Variants in MEGF11 observed in about 807,000 individuals in gnomAD.
MEGF11 encodes the protein multiple EGF like domains 11.
A neutral mutation model predicts 146.6 loss-of-function variants in MEGF11; 126 were observed. The observed-to-expected ratio is 0.86, with a 90% confidence interval of 0.74 to 1.00. MEGF11 has a LOEUF of 1.00. Among genes scored for constraint, MEGF11 ranks in the 50% least tolerant of loss-of-function variants. The pLI, the probability that MEGF11 is intolerant of heterozygous loss-of-function variation, is 0.00. For synonymous variants in MEGF11, 532 were observed against 583.4 expected (o/e 0.91, Z 1.27); for missense variants, 1,509 against 1,521.2 (o/e 0.99, Z 0.13).
At chr15:66,148,459 G>C (rs191806221) in intron 1 of MEGF11, among the ~76,000 whole-genome samples, 2 of 152,334 alleles carry the variant, frequency 1.3e-5, no homozygotes, top group Non-Finnish European at 2.9e-5. Context: ...CTGAGATGAG[G>C]AAAGAGGGAT....
At chr15:66,151,386 G>A (rs2089567832) in intron 1 of MEGF11, among the ~76,000 whole-genome samples, 1 of 152,196 alleles carries the variant, frequency 6.6e-6, no homozygotes, top group African/African-American at 2.4e-5. Flanking sequence ...GTGCACCCAA[G>A]GGAAGGTGGG....
rs764994330 is a variant in MEGF11 at position 66,094,452 on chromosome 15, G to A, written c.344C>T (p.Pro115Leu). The change falls in exon 5 of 26, where the codon CCG becomes CTG. Residue 115 changes from proline (P) to leucine (L), a missense_variant. By Grantham distance (98) the Pro-to-Leu change is moderately conservative. Transcript: ENST00000395614. ...GCCAGGCTCGCAGTGGCAGGTGTCC[G>A]GGGAAACGCAGCGGCCGTGCACACA... ...EECVHGRCVS[P>L]DTCHCEPGWG... The A allele has an allele frequency of 2.5e-5, 39 of 1,560,856 alleles. No individual in the cohort carries two copies. Among genetic ancestry groups the A allele is most frequent in the South Asian group, 2.5e-4 (21 of 84,646 alleles).
chr15:65,992,460 G>GT (rs1555459395), intron 5 of MEGF11, among the ~76,000 whole-genome samples: 9 of 143,248 alleles, frequency 6.3e-5, no homozygotes, highest in Non-Finnish European at 1.2e-4. Flanking sequence ...TGGGGGGGGG[G>GT]GTTAGTCACA....
chr15:66,156,487 C>A (rs1469827108), intron 1 of MEGF11, among the ~76,000 whole-genome samples: 13 of 152,090 alleles, frequency 8.5e-5, no homozygotes, highest in Non-Finnish European at 1.8e-4. Context: ...TTAAAGACAG[C>A]CACAGCTGGG....
chr15:66,045,505 A>G (rs1597025108), intron 5 of MEGF11, among the ~76,000 whole-genome samples: 1 of 152,308 alleles, frequency 6.6e-6, no homozygotes, highest in East Asian at 1.9e-4. Flanking sequence ...TCAGCATCTC[A>G]GCTTGATATC....
chr15:66,185,020 C>T (rs1008915129), intron 1 of MEGF11, among the ~76,000 whole-genome samples: 3 of 152,172 alleles, frequency 2.0e-5, no homozygotes, highest in African/African-American at 7.2e-5. Context: ...TTGTCTCTCA[C>T]ACTGCATAGT....
At chr15:65,976,013 G>A (rs919141617) in intron 7 of MEGF11, among the ~76,000 whole-genome samples, 2 of 150,200 alleles carry the variant, frequency 1.3e-5, no homozygotes, top group African/African-American at 4.9e-5. Context: ...CTGCTGCAAT[G>A]AGCTGAAGTG....
intron 1 of MEGF11, among the ~76,000 whole-genome samples, chr15:66,206,344 G>GAAGAAA (rs992888017): frequency 2.1e-4 from 32 of 152,166 alleles, no homozygotes; most frequent in African/African-American, 7.7e-4. Flanking sequence ...GGAAAAAGAA[G>GAAGAAA]AAGAAAAAGA....
At chr15:66,110,681 C>A (rs553954112) in intron 4 of MEGF11, among the ~76,000 whole-genome samples, 1 of 152,254 alleles carries the variant, frequency 6.6e-6, no homozygotes, top group East Asian at 1.9e-4. Flanking sequence ...GTTGGTGACC[C>A]AAGAGAGTGG....
chr15:66,118,103 A>G (rs1160771850), intron 4 of MEGF11, among the ~76,000 whole-genome samples: 3 of 152,210 alleles, frequency 2.0e-5, no homozygotes, highest in Non-Finnish European at 4.4e-5. Flanking sequence ...ATGAAGAGGC[A>G]GAAGCTTTGG....
intron 1 of MEGF11, among the ~76,000 whole-genome samples, chr15:66,196,664 T>C (rs1223483540): frequency 6.6e-6 from 1 of 152,214 alleles, no homozygotes; most frequent in African/African-American, 2.4e-5. Flanking sequence ...CTCTGAAGTG[T>C]GGCATTCACT....
intron 5 of MEGF11, among the ~76,000 whole-genome samples, chr15:66,043,553 G>C (rs1311305084): frequency 1.3e-5 from 2 of 152,252 alleles, no homozygotes; most frequent in African/African-American, 4.8e-5. Flanking sequence ...ATTTGAGAAG[G>C]CTTTATCAGC....
At chr15:65,903,647 C>T (rs1206822315) in intron 24 of MEGF11, among the ~76,000 whole-genome samples, 1 of 152,200 alleles carries the variant, frequency 6.6e-6, no homozygotes, top group East Asian at 1.9e-4. Context: ...AGGGCTTTTT[C>T]CCACTGAGTT....
intron 5 of MEGF11, among the ~76,000 whole-genome samples, chr15:66,088,196 CA>C (rs1171261625): frequency 6.6e-6 from 1 of 151,740 alleles, no homozygotes; most frequent in African/African-American, 2.4e-5. Context: ...AAATTACCAA[CA>C]AAAAAAAGTC....
At chr15:66,110,828 G>C (rs1242275871) in intron 4 of MEGF11, among the ~76,000 whole-genome samples, 1 of 152,104 alleles carries the variant, frequency 6.6e-6, no homozygotes, top group East Asian at 1.9e-4. Flanking sequence ...TTACACATAT[G>C]CCCTTTCCTC....
At chr15:66,097,591 T>C (rs2086607616) in intron 4 of MEGF11, among the ~76,000 whole-genome samples, 1 of 152,100 alleles carries the variant, frequency 6.6e-6, no homozygotes, top group Non-Finnish European at 1.5e-5. Flanking sequence ...GGGCAGCTGG[T>C]TGGGCTCTGA....
At chr15:66,192,186 G>A (rs2090900311) in intron 1 of MEGF11, among the ~76,000 whole-genome samples, 1 of 152,030 alleles carries the variant, frequency 6.6e-6, no homozygotes, top group African/African-American at 2.4e-5. Context: ...TCGTCATAAT[G>A]GCCAGGCACA....
intron 5 of MEGF11, among the ~76,000 whole-genome samples, chr15:66,056,194 A>G (rs1373679244): frequency 6.7e-6 from 1 of 150,066 alleles, no homozygotes; most frequent in Admixed American, 6.7e-5. Flanking sequence ...GCCTTACCCA[A>G]TCCTTCCAAT....
At chr15:66,169,675 C>A (rs2090192971) in intron 1 of MEGF11, among the ~76,000 whole-genome samples, 1 of 152,250 alleles carries the variant, frequency 6.6e-6, no homozygotes, top group African/African-American at 2.4e-5. Flanking sequence ...TAAAGCTTCC[C>A]TGCCCCATTT....
Sources: gnomAD v4.1 joint callset for allele counts (sites outside exome capture counted in the v4.1 genomes callset) on GRCh38, gnomAD v4.1.1 for gene constraint, MANE v1.5 for transcripts, NCBI Gene and HGNC (gene_info 2026-07-23, HGNC 2026-07-21) for gene names.